The following ADCY1 variants were observed in gnomAD, a reference collection of about 807,000 sequenced individuals.
ADCY1 encodes the protein adenylate cyclase 1.
Under a neutral mutation model 105.4 loss-of-function variants are expected in ADCY1, and 28 were observed. The ratio of observed to expected loss-of-function variants is 0.27; its 90% CI spans 0.20 to 0.36. The LOEUF is 0.36. Among genes scored for constraint, ADCY1 ranks in the 10% least tolerant of loss-of-function variants. The probability of loss-of-function intolerance (pLI) is 1.00; values close to 1 mark genes in which losing one functional copy is unlikely to be tolerated. For missense variants in ADCY1, 977 were observed against 1,434.2 expected (o/e 0.68, Z 5.15); for synonymous variants, 655 against 623.8 (o/e 1.05, Z -0.75).
rs1237776532 is a variant in ADCY1, at chr7:45,710,928, A to G, written c.3057+276A>G. 2.0e-5 allele frequency among the ~76,000 whole-genome samples: 3 copies of G among 152,178 alleles called. No homozygotes were observed. Among genetic ancestry groups the G allele is most frequent in the Non-Finnish European group, 4.4e-5 (3 of 68,024 alleles). The stretch of plus-strand genomic sequence containing the variant: ...ACTGGGTCCTGCTGCTGGTCCCAGC[A>G]GCCTGGTGGCTCTCATTCACTCTGC... On this transcript the variant is annotated intron_variant, in intron 19 of 19. Coordinates refer to ENST00000297323, the MANE Select transcript of ADCY1 (RefSeq NM_021116.4). The surrounding 1 kb of genome is among the most constrained non-coding windows in gnomAD (Gnocchi z 4.7).
intron 14 of ADCY1, among the ~76,000 whole-genome samples, chr7:45,697,260 C>T (rs1357154277): frequency 6.6e-6 from 1 of 152,144 alleles, no homozygotes; most frequent in African/African-American, 2.4e-5. Flanking sequence ...TCTTCCCAGC[C>T]TCGGTTTCTC....
chr7:45,610,557 T>G (rs1376589445), intron 3 of ADCY1, 60 bp downstream of exon 3: 1 of 1,435,390 alleles, frequency 7.0e-7, no homozygotes, highest in Non-Finnish European at 9.8e-7. Context: ...GTGGAGATAA[T>G]GGTGAAGGTG....
At chr7:45,662,525 A>G (rs893245291) in intron 8 of ADCY1, among the ~76,000 whole-genome samples, 1 of 152,176 alleles carries the variant, frequency 6.6e-6, no homozygotes, top group African/African-American at 2.4e-5. Context: ...CATTCTGGAC[A>G]GATGTGCTAG....
chr7:45,684,235 T>C (rs2461108), intron 11 of ADCY1: 87,680 of 152,238 alleles, frequency 0.58, 26,232 homozygotes, highest in East Asian at 0.79. Flanking sequence ...ACACACTGCC[T>C]TGTCCTTGTC....
intron 6 of ADCY1, among the ~76,000 whole-genome samples, chr7:45,659,469 A>G (rs1294918877): frequency 1.3e-5 from 2 of 152,114 alleles, no homozygotes; most frequent in East Asian, 1.9e-4. Context: ...TTCTGCTGAG[A>G]CGATGCCAAC....
intron 11 of ADCY1, among the ~76,000 whole-genome samples, chr7:45,683,211 C>T (rs1379639685): frequency 1.3e-5 from 2 of 152,162 alleles, no homozygotes; most frequent in African/African-American, 4.8e-5. Context: ...TTTTCACCCA[C>T]TTGGAGAGGT....
At chr7:45,660,528 TGAGGGGTGCTGGGCACA>T (rs1475379061) in intron 7 of ADCY1, among the ~76,000 whole-genome samples, 1 of 152,216 alleles carries the variant, frequency 6.6e-6, no homozygotes, top group Non-Finnish European at 1.5e-5. Flanking sequence ...CTCTGTGAAC[TGAGGGGTGCTGGGCACA>T]GAGGTGGGCT....
At chr7:45,677,186 A>G (rs1784472565) in intron 8 of ADCY1, among the ~76,000 whole-genome samples, 1 of 152,192 alleles carries the variant, frequency 6.6e-6, no homozygotes, top group African/African-American at 2.4e-5. Context: ...CAGTAGGAAT[A>G]AAAACAAGTG....
At chr7:45,636,725 G>A (rs1165813354) in intron 4 of ADCY1, among the ~76,000 whole-genome samples, 1 of 152,184 alleles carries the variant, frequency 6.6e-6, no homozygotes, top group Non-Finnish European at 1.5e-5. Flanking sequence ...ATTTTTAGTA[G>A]AGAAGGGTGT....
Position 45,710,336 on chromosome 7 carries a change from G to A in ADCY1, c.2933-192G>A, listed in dbSNP as rs901180347. On this transcript the variant is annotated intron_variant, in intron 18 of 19. Transcript: ENST00000297323. This position sits in a 1 kb window ranked among gnomAD's most constrained non-coding sequence, Gnocchi z 4.7. Reference sequence around the variant, plus strand: ...CCTGCCCAGGGGAGCCCGTGCAGCAGGGCAGCTGCCTCTCTGGTGCTGTGT... The same window carrying A: ...CCTGCCCAGGGGAGCCCGTGCAGCAAGGCAGCTGCCTCTCTGGTGCTGTGT... 3.9e-5 allele frequency among the ~76,000 whole-genome samples: 6 copies of A among 152,148 alleles called. No individual in the cohort carries two copies. The highest frequency in any genetic ancestry group is 8.8e-5 in the Non-Finnish European group (6 of 68,036).
At position 45,591,480 on chromosome 7, in the gene ADCY1, TG is replaced by T. The variant is rs1257794538; in HGVS notation, c.640-1274del. Among the ~76,000 whole-genome samples the T allele has an allele frequency of 3.9e-5, 6 of 152,228 alleles. No homozygotes were observed. Among genetic ancestry groups the T allele is most frequent in the Non-Finnish European group, 7.3e-5 (5 of 68,036 alleles). ...ATAGTGTGCAGCACACATTCACATG[TG>T]GGGGTGTTTGTGGTTAATCTGTGTG... On this transcript the variant is annotated intron_variant, in intron 1 of 19. Coordinates refer to ENST00000297323, the MANE Select transcript of ADCY1 (RefSeq NM_021116.4). This position sits in a 1 kb window ranked among gnomAD's most constrained non-coding sequence, Gnocchi z 4.1.
At chr7:45,669,380 A>G (rs997379599) in intron 8 of ADCY1, among the ~76,000 whole-genome samples, 2 of 152,040 alleles carry the variant, frequency 1.3e-5, no homozygotes, top group Non-Finnish European at 2.9e-5. Flanking sequence ...CCTTCATTTC[A>G]TTATGTACCC....
intron 8 of ADCY1, among the ~76,000 whole-genome samples, chr7:45,666,573 T>C (rs991988828): frequency 1.3e-5 from 2 of 152,244 alleles, no homozygotes; most frequent in Non-Finnish European, 2.9e-5. Flanking sequence ...TTGTGAATAG[T>C]GCCGCAATAA....
intron 11 of ADCY1, among the ~76,000 whole-genome samples, chr7:45,681,816 G>A (rs1784561360): frequency 6.6e-6 from 1 of 152,236 alleles, no homozygotes; most frequent in Non-Finnish European, 1.5e-5. Context: ...GGCCATTGTG[G>A]CCTGAGTGGA....
chr7:45,592,057 T>G (rs571975426), intron 1 of ADCY1, among the ~76,000 whole-genome samples: 19 of 151,992 alleles, frequency 1.3e-4, no homozygotes, highest in African/African-American at 3.6e-4. Flanking sequence ...TTTTTTGTTT[T>G]TTTTTTTTTG....
intron 2 of ADCY1, among the ~76,000 whole-genome samples, chr7:45,606,878 G>A (rs1356673633): frequency 2.0e-5 from 3 of 152,048 alleles, no homozygotes; most frequent in Admixed American, 2.0e-4. Flanking sequence ...TTATTTTGTT[G>A]GCTAGAGCTT....
In ADCY1 at chr7:45,721,406, T is replaced by C; in HGVS notation, c.*7411T>C. 2.9e-6 allele frequency: 1 copy of C among 350,540 alleles called. No individual in the cohort carries two copies. Among genetic ancestry groups the C allele is most frequent in the Admixed American group, 4.7e-5 (1 of 21,226 alleles). 21.7% of individuals were successfully genotyped at this position (350,540 alleles called of 1,614,324 possible). A position where few individuals can be genotyped will look rare whatever the true frequency, so the allele number is the denominator to read the frequency against. On this transcript the variant is annotated 3_prime_UTR_variant, in exon 20 of 20. Transcript: ENST00000297323. ...TCTAAAACTATATTTGAGCGAAACC[T>C]GTCATTGCGTCTAATTTCAAATATA...
intron 1 of ADCY1, among the ~76,000 whole-genome samples, chr7:45,589,148 C>T (rs541583925): frequency 6.6e-6 from 1 of 152,230 alleles, no homozygotes; most frequent in East Asian, 1.9e-4. Flanking sequence ...GGTGAGGACA[C>T]CTGGACTCCT....
chr7:45,598,712 C>G (rs1793140320), intron 2 of ADCY1, among the ~76,000 whole-genome samples: 1 of 152,160 alleles, frequency 6.6e-6, no homozygotes, highest in Non-Finnish European at 1.5e-5. Flanking sequence ...ACAAGCTCAT[C>G]AAAAAGTAAA....
Sources: gnomAD v4.1 joint callset for allele counts (sites outside exome capture counted in the v4.1 genomes callset) on GRCh38, gnomAD v4.1.1 for gene constraint, Gnocchi (gnomAD v3.1) non-coding constraint, MANE v1.5 for transcripts, NCBI Gene and HGNC (gene_info 2026-07-23, HGNC 2026-07-21) for gene names.